EMX1: variants seen among roughly 807,000 people sequenced by gnomAD.
EMX1 encodes the protein empty spiracles homeobox 1, also known as homeobox protein EMX1.
In EMX1, 10 loss-of-function variants were observed where a neutral mutation model predicts 20.1. That is an observed-to-expected ratio of 0.50 (90% CI 0.31 to 0.84). The LOEUF is 0.84. Among genes scored for constraint, EMX1 ranks in the 40% least tolerant of loss-of-function variants. The pLI, the probability that EMX1 is intolerant of heterozygous loss-of-function variation, is 0.05. For missense variants in EMX1, 424 were observed against 431.9 expected, an observed-to-expected ratio of 0.98 and a Z score of 0.16; for synonymous variants, 250 against 200.4, an observed-to-expected ratio of 1.25 and a Z score of -2.09.
chr2:72,925,669 T>TG (rs1671189162), intron 2 of EMX1: 2 of 1,166,590 alleles, frequency 1.7e-6, no homozygotes, highest in African/African-American at 1.6e-5. Context: ...ATGCCCGGCA[T>TG]GGGGGGCAGC....
At position 72,918,294 on chromosome 2, in the gene EMX1, T is replaced by G. The variant is rs779459170; in HGVS notation, c.442T>G (p.Phe148Val). The G allele has an allele frequency of 8.3e-6, 13 of 1,574,680 alleles. No individual in the cohort carries two copies. The highest frequency in any genetic ancestry group is 1.1e-5 in the Non-Finnish European group (13 of 1,171,304). The change falls in exon 1 of 3, where the codon TTC (phenylalanine) becomes GTC (valine). Residue 148 changes from phenylalanine to valine, a missense_variant. Coordinates refer to ENST00000258106, the MANE Select transcript of EMX1 (RefSeq NM_004097.3). ...ASPLQPPHSF[F>V]GAQHRDPLHF... ...CCCGCTGCAGCCCCCGCACTCCTTC[T>G]TCGGCGCCCAGCACCGGGACCCTCT...
intron 1 of EMX1, among the ~76,000 whole-genome samples, chr2:72,918,828 A>G (rs949951413): frequency 6.6e-6 from 1 of 152,118 alleles, no homozygotes; most frequent in African/African-American, 2.4e-5. Flanking sequence ...GGGAAAGTCC[A>G]TTCGCGTGCC....
chr2:72,917,271 C>CT (rs748358957), upstream of EMX1, among the ~76,000 whole-genome samples: 15 of 143,416 alleles, frequency 1.0e-4, no homozygotes, highest in East Asian at 2.8e-3. Flanking sequence ...CGGACGCCTT[C>CT]TTCGGCTCCC....
chr2:72,921,195 T>G (rs750744636), intron 1 of EMX1, among the ~76,000 whole-genome samples: 2 of 152,158 alleles, frequency 1.3e-5, no homozygotes, highest in African/African-American at 4.8e-5. Context: ...TTCCCAGCCA[T>G]TGCCTTGAAG....
upstream of EMX1, chr2:72,916,844 G>A (rs368158870): frequency 1.4e-6 from 1 of 717,196 alleles, no homozygotes; most frequent in East Asian, 2.7e-5. Flanking sequence ...AGCCGGTCGC[G>A]GCACCGTGTC....
In EMX1 at chr2:72,918,352, T is replaced by G; in HGVS notation, c.500T>G (p.Phe167Cys). The G allele has an allele frequency of 2.7e-6, 4 of 1,486,170 alleles. No homozygotes were observed. The highest frequency in any genetic ancestry group is 1.7e-4 in the Middle Eastern group (1 of 5,716). The allele number at this position is 1,486,170 out of a possible 1,614,324, so 92.1% of individuals were successfully genotyped here. The stretch of plus-strand genomic sequence containing the variant: ...TACCCCTGGGTCCTGCGGAACCGCT[T>G]CTTCGGCCACCGCTTCCAGGGTGAG... Reference protein sequence around the residue: ...HFYPWVLRNRFFGHRFQASDV... With the variant: ...HFYPWVLRNRCFGHRFQASDV... Residue 167 changes from phenylalanine to cysteine, a missense_variant, in exon 1 of 3, where the codon TTC (phenylalanine) becomes TGC (cysteine). By Grantham distance (205) the Phe-to-Cys change is radical. Coordinates refer to ENST00000258106, the MANE Select transcript of EMX1 (RefSeq NM_004097.3).
intron 1 of EMX1, among the ~76,000 whole-genome samples, chr2:72,921,856 C>A (rs1314708253): frequency 6.6e-6 from 1 of 152,206 alleles, no homozygotes; most frequent in African/African-American, 2.4e-5. Flanking sequence ...GGCAAAGGGG[C>A]ATGTATGTTG....
intron 1 of EMX1, among the ~76,000 whole-genome samples, 174 bp downstream of exon 1, chr2:72,918,546 C>T (rs1023726681): frequency 2.0e-5 from 3 of 152,262 alleles, no homozygotes; most frequent in African/African-American, 7.2e-5. Flanking sequence ...CCCGCGCCTT[C>T]GCCGCGTAGG....
chr2:72,925,614 C>T lies in EMX1; in HGVS notation c.705+1121C>T. ...CGCTCCCCTTTCCTCCTAGTCTCGA[C>T]CCTACTACACCACCGTCCCCTCCCA... is the stretch of plus-strand genomic sequence containing the variant. On this transcript the variant is annotated intron_variant, in intron 2 of 2. Coordinates refer to ENST00000258106, the MANE Select transcript of EMX1 (RefSeq NM_004097.3). 21 of 1,240,664 alleles carry T rather than the reference C, an allele frequency of 1.7e-5. No individual in the cohort carries two copies. In the South Asian group the frequency reaches 2.8e-4, roughly 17 times the overall value. 76.9% of individuals were successfully genotyped at this position (1,240,664 alleles called of 1,614,324 possible).
In EMX1 at chr2:72,930,546, G is replaced by A. The variant is rs1296308906; in HGVS notation, c.706-3241G>A. On this transcript the variant is annotated intron_variant, in intron 2 of 2. Coordinates refer to ENST00000258106, the MANE Select transcript of EMX1 (RefSeq NM_004097.3). This position sits in a 1 kb window ranked among gnomAD's most constrained non-coding sequence, Gnocchi z 4.4. ...CAGCAGAGAGGTCAGAGTGGGCAAGGGGTCCTCCAGCTAACATTCCAACTG... is the reference window on the plus strand; with the variant it reads ...CAGCAGAGAGGTCAGAGTGGGCAAGAGGTCCTCCAGCTAACATTCCAACTG... 1.3e-5 allele frequency among the ~76,000 whole-genome samples: 2 copies of A among 152,180 alleles called. No individual in the cohort carries two copies. The highest frequency in any genetic ancestry group is 2.4e-5 in the African/African-American group (1 of 41,428).
chr2:72,933,491 G>C (rs1236815261), intron 2 of EMX1: 7 of 367,790 alleles, frequency 1.9e-5, no homozygotes, highest in Non-Finnish European at 3.0e-5. Context: ...GCTTGGCTTT[G>C]CTGGGGCTAG....
intron 1 of EMX1, among the ~76,000 whole-genome samples, chr2:72,919,180 T>TAC (rs70963149): frequency 0.35 from 49,631 of 142,356 alleles, 8,452 homozygotes; most frequent in Admixed American, 0.4. Flanking sequence ...CCACTGGCCC[T>TAC]ACACACACAC....
At chr2:72,926,979 C>G (rs149913304) in intron 2 of EMX1, among the ~76,000 whole-genome samples, 2,318 of 152,280 alleles carry the variant, frequency 0.015, 29 homozygotes, top group Non-Finnish European at 0.025. Context: ...TCAGTCACCC[C>G]CAACAGCCCC....
Position 72,918,201 on chromosome 2 carries a change from C to T in EMX1, c.349C>T (p.Leu117Phe), listed in dbSNP as rs1449368621. 2 of 1,559,940 alleles carry T rather than the reference C, an allele frequency of 1.3e-6. No homozygotes were observed. Among genetic ancestry groups the T allele is most frequent in the Admixed American group, 1.9e-5 (1 of 53,874 alleles). Residue 117 changes from leucine to phenylalanine, a missense_variant, in exon 1 of 3, where the codon CTC (leucine) becomes TTC (phenylalanine). Around this residue, in one of 2 missense-constraint regions of EMX1, gnomAD observed 333 missense variants for 296.6 expected, o/e 1.12. Coordinates refer to ENST00000258106, the MANE Select transcript of EMX1 (RefSeq NM_004097.3). ...CCGCTCGCTCTACGGTGGGCCCGAG[C>T]TCGTGTTCCCCGAGGCCATGAACCA... The part of the protein sequence containing the change: ...AGRSLYGGPE[L>F]VFPEAMNHPA...
chr2:72,930,496 G>A lies in EMX1; in HGVS notation c.706-3291G>A, dbSNP rs1671264060. ...CACTTCACAGTGAAATGAGGACTTG[G>A]GAGACCACAAGGGACCTCTTGCTAC... On this transcript the variant is annotated intron_variant, in intron 2 of 2. Coordinates refer to ENST00000258106, the MANE Select transcript of EMX1 (RefSeq NM_004097.3). This position sits in a 1 kb window ranked among gnomAD's most constrained non-coding sequence, Gnocchi z 4.4. Among the ~76,000 whole-genome samples, 1 of 152,158 alleles carries A rather than the reference G, an allele frequency of 6.6e-6. No homozygotes were observed. Among genetic ancestry groups the A allele is most frequent in the Non-Finnish European group, 1.5e-5 (1 of 68,042 alleles).
At position 72,930,463 on chromosome 2, in the gene EMX1, GA is replaced by G. The variant is rs1671263711; in HGVS notation, c.706-3323del. 6.6e-6 allele frequency among the ~76,000 whole-genome samples: 1 copy of G among 152,206 alleles called. No homozygotes were observed. The highest frequency in any genetic ancestry group is 2.4e-5 in the African/African-American group (1 of 41,450). ...GGAAGGATGTGGCCTCTGAGAAACT[GA>G]GATGTTCACTTCACAGTGAAATGAG... On this transcript the variant is annotated intron_variant, in intron 2 of 2. Transcript: ENST00000258106. This position sits in a 1 kb window ranked among gnomAD's most constrained non-coding sequence, Gnocchi z 4.4.
chr2:72,921,285 A>G (rs1671099436), intron 1 of EMX1, among the ~76,000 whole-genome samples: 1 of 152,202 alleles, frequency 6.6e-6, no homozygotes, highest in African/African-American at 2.4e-5. Flanking sequence ...CCCTAGCTCC[A>G]GGGACGGCTA....
intron 1 of EMX1, among the ~76,000 whole-genome samples, chr2:72,920,701 G>A (rs891905048): frequency 2.6e-5 from 4 of 152,250 alleles, no homozygotes; most frequent in African/African-American, 9.6e-5. Context: ...CCCGGCGCGC[G>A]GGGAAGCGGC....
intron 1 of EMX1, among the ~76,000 whole-genome samples, chr2:72,921,114 C>A (rs1671096315): frequency 6.6e-6 from 1 of 152,210 alleles, no homozygotes; most frequent in South Asian, 2.1e-4. Flanking sequence ...GACTGCAGCT[C>A]GGACCCCGGG....
Sources: gnomAD v4.1 joint callset for allele counts (sites outside exome capture counted in the v4.1 genomes callset) on GRCh38, gnomAD v4.1.1 for gene constraint, gnomAD v4.1.1 regional missense constraint, Gnocchi (gnomAD v3.1) non-coding constraint, MANE v1.5 for transcripts, NCBI Gene and HGNC (gene_info 2026-07-23, HGNC 2026-07-21) for gene names.